The following CASC3 variants were observed in gnomAD, a reference collection of about 807,000 sequenced individuals.
CASC3 encodes the protein protein CASC3.
Under a neutral mutation model 80.5 loss-of-function variants are expected in CASC3, and 30 were observed. The ratio of observed to expected loss-of-function variants is 0.37; its 90% CI spans 0.28 to 0.51. The LOEUF is 0.51. CASC3 is among the 20% of genes least tolerant of loss of function. CASC3 has a pLI of 0.94. For synonymous variants in CASC3, 312 were observed against 333.6 expected (o/e 0.94, Z 0.70); for missense variants, 824 against 922.2 (o/e 0.89, Z 1.38).
rs1207972603 is a variant in CASC3 at position 40,160,336 on chromosome 17, T to TA, written c.298-1408dup. Reference sequence around the variant, plus strand: ...AGCGAGACCTCGTCTCTACTAAAAATAAAAAAAAATCAGCCAGGTGTGGTG... The same window carrying TA: ...AGCGAGACCTCGTCTCTACTAAAAATAAAAAAAAAATCAGCCAGGTGTGGTG... On this transcript the variant is annotated intron_variant, in intron 3 of 13. Coordinates refer to ENST00000264645, the MANE Select transcript of CASC3 (RefSeq NM_007359.5). 7.3e-5 allele frequency among the ~76,000 whole-genome samples: 11 copies of TA among 151,014 alleles called. No homozygotes were observed. In the East Asian group the frequency reaches 9.8e-4, roughly 13 times the overall value.
At chr17:40,159,445 G>A (rs1370594246) in intron 3 of CASC3, among the ~76,000 whole-genome samples, 3 of 151,788 alleles carry the variant, frequency 2.0e-5, no homozygotes, top group Admixed American at 6.6e-5. Flanking sequence ...GTGCGATCTC[G>A]GTTCACTGCA....
intron 3 of CASC3, among the ~76,000 whole-genome samples, chr17:40,159,544 GT>G (rs368113645): frequency 1.5e-3 from 170 of 112,832 alleles, no homozygotes; most frequent in Non-Finnish European, 1.8e-3. Flanking sequence ...TTCATTGTGT[GT>G]TTTTTTTTTT....
rs562798073 is a variant in CASC3 at position 40,145,973 on chromosome 17, C to T, written c.297+4366C>T. Among the ~76,000 whole-genome samples the T allele has an allele frequency of 2.6e-5, 4 of 152,172 alleles. No individual in the cohort carries two copies. In the East Asian group the frequency reaches 7.7e-4, roughly 29 times the overall value. On this transcript the variant is annotated intron_variant, in intron 3 of 13. Transcript: ENST00000264645. ...ATGTGTTTTTCAGATCCAGAGAACA[C>T]TTGCATCAGAAAATCCAATTAGCCA...
chr17:40,170,454 G>C lies in CASC3; in HGVS notation c.*49G>C. Reference sequence around the variant, plus strand: ...TTTTCCAACCCCTGTCAGAGCAGCAGAGGTGAGAACTCAGAAGAGAAATAC... The same window carrying C: ...TTTTCCAACCCCTGTCAGAGCAGCACAGGTGAGAACTCAGAAGAGAAATAC... On this transcript the variant is annotated 3_prime_UTR_variant, in exon 14 of 14. Transcript: ENST00000264645. 1 of 985,596 alleles carries C rather than the reference G, an allele frequency of 1.0e-6. No individual in the cohort carries two copies. The allele number at this position is 985,596 out of a possible 1,614,324, so 61.1% of individuals were successfully genotyped here. A position where few individuals can be genotyped will look rare whatever the true frequency, so the allele number is the denominator to read the frequency against.
chr17:40,158,664 A>G (rs545265088), intron 3 of CASC3, among the ~76,000 whole-genome samples: 4 of 152,322 alleles, frequency 2.6e-5, no homozygotes, highest in African/African-American at 9.6e-5. Flanking sequence ...TGTCATGAAC[A>G]GTGTTACCCA....
rs2145178136 is a variant in CASC3, at chr17:40,164,014, C to T, written c.1319C>T (p.Thr440Ile). 1.2e-6 allele frequency: 2 copies of T among 1,614,060 alleles called. No homozygotes were observed. The highest frequency in any genetic ancestry group is 1.7e-6 in the Non-Finnish European group (2 of 1,180,016). ...GLIPAPPVPE[T>I]TPTPPTKTGT... is the part of the protein sequence containing the mutation. ...ATTCCAGCACCTCCAGTCCCAGAAA[C>T]CACCCCAACTCCACCTACTAAGACT... The change falls in exon 7 of 14, where the codon ACC becomes ATC. Residue 440 changes from threonine to isoleucine, a missense_variant. By Grantham distance (89) the Thr-to-Ile change is moderately conservative. Transcript: ENST00000264645.
At position 40,166,759 on chromosome 17, in the gene CASC3, G is replaced by A. The variant is rs766672675; in HGVS notation, c.1472-38G>A. 5.5e-6 allele frequency: 8 copies of A among 1,464,318 alleles called. No homozygotes were observed. The African/African-American group carries it at 1.1e-4, about 21-fold the overall frequency. The allele number at this position is 1,464,318 out of a possible 1,614,324, so 90.7% of individuals were successfully genotyped here. A position where few individuals can be genotyped will look rare whatever the true frequency, so the allele number is the denominator to read the frequency against. On this transcript the variant is annotated intron_variant, in intron 7 of 13. Coordinates refer to ENST00000264645, the MANE Select transcript of CASC3 (RefSeq NM_007359.5). The stretch of plus-strand genomic sequence containing the variant: ...GTATCTTTGAGTCCCACTCACGTAT[G>A]TCTGATCTGCAGAAGTGACTTTTTT...
At chr17:40,168,097 C>T (rs1442244564) in intron 10 of CASC3, 106 bp from the exon 11 acceptor site, 5 of 1,276,638 alleles carry the variant, frequency 3.9e-6, no homozygotes, top group Non-Finnish European at 5.6e-6. Flanking sequence ...TTGTGTCCAT[C>T]CTGAGGACTT....
chr17:40,141,616 G>A lies in CASC3; in HGVS notation c.297+9G>A, dbSNP rs1228608165. ...GTGCAGAAGACTCGGAAGTGAGTATGACAGGTTTTTTCCTATGGTATAGAT... is the reference window on the plus strand; with the variant it reads ...GTGCAGAAGACTCGGAAGTGAGTATAACAGGTTTTTTCCTATGGTATAGAT... On this transcript the variant is annotated intron_variant, in intron 3 of 13. Coordinates refer to ENST00000264645, the MANE Select transcript of CASC3 (RefSeq NM_007359.5). 1 of 1,610,658 alleles carries A rather than the reference G, an allele frequency of 6.2e-7. No individual in the cohort carries two copies. The highest frequency in any genetic ancestry group is 1.3e-5 in the African/African-American group (1 of 74,966).
Position 40,163,604 on chromosome 17 carries a change from T to C in CASC3, c.909T>C (p.Gly303=). The C allele has an allele frequency of 6.2e-7, 1 of 1,614,146 alleles. No individual in the cohort carries two copies. Among genetic ancestry groups the C allele is most frequent in the Non-Finnish European group, 8.5e-7 (1 of 1,180,026 alleles). Residue 303 remains glycine (G), a synonymous_variant, in exon 7 of 14, where the codon GGT becomes GGC. Coordinates refer to ENST00000264645, the MANE Select transcript of CASC3 (RefSeq NM_007359.5). ...PRTFINRNAA[G]TGRMSAPRNY... is the part of the protein sequence containing the mutation. ...CATTTATTAACAGGAATGCTGCAGG[T>C]ACCGGCCGTATGTCTGCACCCAGGA...
chr17:40,167,192 C>T (rs1473156352), intron 8 of CASC3: 3 of 508,414 alleles, frequency 5.9e-6, no homozygotes, highest in African/African-American at 5.9e-5. Flanking sequence ...GACTCCTGAC[C>T]TCATGATCCA....
intron 1 of CASC3, 77 bp downstream of exon 1, chr17:40,140,856 A>G (rs899091919): frequency 1.8e-6 from 2 of 1,100,840 alleles, no homozygotes; most frequent in Non-Finnish European, 2.5e-6. Context: ...GATGCTAGGT[A>G]GTCTGTGAGT....
chr17:40,141,020 C>T, intron 1 of CASC3, 187 bp from the exon 2 acceptor site: 2 of 644,818 alleles, frequency 3.1e-6, no homozygotes, highest in South Asian at 3.9e-5. Context: ...ATGTTTTATT[C>T]AGAAGTCGGG....
intron 3 of CASC3, among the ~76,000 whole-genome samples, chr17:40,155,571 G>A (rs1348235773): frequency 6.6e-6 from 1 of 152,172 alleles, no homozygotes; most frequent in South Asian, 2.1e-4. Context: ...TCCTGTCAAC[G>A]ACAGGCCCGT....
At position 40,152,037 on chromosome 17, in the gene CASC3, C is replaced by T. The variant is rs78705722; in HGVS notation, c.298-9716C>T. 8.8e-3 allele frequency among the ~76,000 whole-genome samples: 1,342 copies of T among 152,314 alleles called. 19 individuals are homozygous for T. Among genetic ancestry groups the T allele is most frequent in the African/African-American group, 0.031 (1,282 of 41,538 alleles). On this transcript the variant is annotated intron_variant, in intron 3 of 13. Coordinates refer to ENST00000264645, the MANE Select transcript of CASC3 (RefSeq NM_007359.5). ...GGAGTACCACAGTTAAGCTAATTAACGTATCTATCACCTCACCTAGTTAAC... is the reference window on the plus strand; with the variant it reads ...GGAGTACCACAGTTAAGCTAATTAATGTATCTATCACCTCACCTAGTTAAC...
chr17:40,150,486 G>C (rs1988975902), intron 3 of CASC3, among the ~76,000 whole-genome samples: 1 of 151,936 alleles, frequency 6.6e-6, no homozygotes, highest in Non-Finnish European at 1.5e-5. Context: ...TAGGCCTGGA[G>C]AAAGCAGACA....
chr17:40,165,039 G>A (rs894592119), intron 7 of CASC3, among the ~76,000 whole-genome samples: 15 of 150,922 alleles, frequency 9.9e-5, no homozygotes, highest in Admixed American at 2.0e-4. Flanking sequence ...TCCTGCCTCA[G>A]CCTCCTGAAT....
Position 40,166,790 on chromosome 17 carries a change from A to G in CASC3, c.1472-7A>G. ...TCTGCAGAAGTGACTTTTTTGGTGTATTACAGGTATGCCCAACCATATACA... is the reference window on the plus strand; with the variant it reads ...TCTGCAGAAGTGACTTTTTTGGTGTGTTACAGGTATGCCCAACCATATACA... On this transcript the variant is annotated splice_region_variant and splice_polypyrimidine_tract_variant and intron_variant, in intron 7 of 13. Coordinates refer to ENST00000264645, the MANE Select transcript of CASC3 (RefSeq NM_007359.5). 1 of 1,590,262 alleles carries G rather than the reference A, an allele frequency of 6.3e-7. No homozygotes were observed. Among genetic ancestry groups the G allele is most frequent in the South Asian group, 1.2e-5 (1 of 85,626 alleles).
At position 40,166,821 on chromosome 17, in the gene CASC3, G is replaced by A. The variant is rs1451262892; in HGVS notation, c.1496G>A (p.Gly499Glu). 1 of 1,605,584 alleles carries A rather than the reference G, an allele frequency of 6.2e-7. No individual in the cohort carries two copies. Among genetic ancestry groups the A allele is most frequent in the Non-Finnish European group, 8.5e-7 (1 of 1,177,216 alleles). ...LRGMPNHIHM[G>E]AGPPPQFNRM... ...GGTATGCCCAACCATATACACATGG[G>A]AGCAGGACCTCCACCTCAGTTTAAC... Residue 499 changes from glycine to glutamate, a missense_variant, in exon 8 of 14, where the codon GGA becomes GAA. Transcript: ENST00000264645.
Sources: gnomAD v4.1 joint callset for allele counts (sites outside exome capture counted in the v4.1 genomes callset) on GRCh38, gnomAD v4.1.1 for gene constraint, MANE v1.5 for transcripts, NCBI Gene and HGNC (gene_info 2026-07-23, HGNC 2026-07-21) for gene names.